The following ZFP1 variants were observed in gnomAD, a reference collection of about 807,000 sequenced individuals.
ZFP1 encodes ZFP1 zinc finger protein.
ZFP1 carries 32 observed loss-of-function variants against 38.5 expected under a neutral mutation model. The observed-to-expected ratio is 0.83, with a 90% confidence interval of 0.63 to 1.12. The LOEUF is 1.12. Ranked by LOEUF, ZFP1 falls within the 50% of genes most tolerant of loss-of-function variation. The probability of loss-of-function intolerance (pLI) is 0.00; values close to 1 mark genes in which losing one functional copy is unlikely to be tolerated. For synonymous variants in ZFP1, 245 were observed against 168.8 expected (o/e 1.45, Z -3.50); for missense variants, 616 against 480.8 (o/e 1.28, Z -2.63).
At chr16:75,123,950 T>C in the ZFP1 span, among the ~76,000 whole-genome samples, 6 of 151,158 alleles carry the variant, frequency 4.0e-5, no homozygotes, top group East Asian at 1.0e-3. Context: ...AAAAATTAGC[T>C]GGGCCTGATA....
At chr16:75,128,543 C>G in the ZFP1 span, among the ~76,000 whole-genome samples, 1 of 152,144 alleles carries the variant, frequency 6.6e-6, no homozygotes, top group Non-Finnish European at 1.5e-5. Context: ...CTAGTCTTGT[C>G]TAATATTTTT....
chr16:75,143,479 C>T, the ZFP1 span, among the ~76,000 whole-genome samples: 1 of 152,068 alleles, frequency 6.6e-6, no homozygotes, highest in African/African-American at 2.4e-5. Context: ...CTCTTGACCT[C>T]AGATGATCTG....
intron 1 of ZFP1, among the ~76,000 whole-genome samples, chr16:75,150,412 G>A (rs535374414): frequency 3.7e-4 from 56 of 151,832 alleles, no homozygotes; most frequent in African/African-American, 1.3e-3. Context: ...GTAGAGACGG[G>A]GTTTCACCGT....
chr16:75,136,155 G>A, the ZFP1 span, among the ~76,000 whole-genome samples: 1 of 152,164 alleles, frequency 6.6e-6, no homozygotes, highest in Non-Finnish European at 1.5e-5. Flanking sequence ...AGTCGGGGGA[G>A]TCCCAGGAAA....
At chr16:75,166,045 T>C (rs1041839517) in intron 2 of ZFP1, among the ~76,000 whole-genome samples, 3 of 152,210 alleles carry the variant, frequency 2.0e-5, no homozygotes, top group Admixed American at 6.5e-5. Context: ...AATGAGGGGA[T>C]GGAAGGACAG....
Position 75,169,835 on chromosome 16 carries a change from G to A in ZFP1, c.725G>A (p.Cys242Tyr). The A allele has an allele frequency of 6.2e-7, 1 of 1,614,134 alleles. No homozygotes were observed. Among genetic ancestry groups the A allele is most frequent in the Non-Finnish European group, 8.5e-7 (1 of 1,180,032 alleles). The stretch of plus-strand genomic sequence containing the variant: ...CACACTGGGGAGAAACCTTTCGAGT[G>A]TCCGGAATGTGGAAAAGCTTTCACC... ...RIHTGEKPFE[C>Y]PECGKAFTHQ... Residue 242 changes from cysteine (C) to tyrosine (Y), a missense_variant, in exon 4 of 4, where the codon TGT becomes TAT. Transcript: ENST00000570010.
intron 2 of ZFP1, among the ~76,000 whole-genome samples, chr16:75,153,761 C>A (rs987396016): frequency 6.6e-6 from 1 of 152,092 alleles, no homozygotes; most frequent in Non-Finnish European, 1.5e-5. Flanking sequence ...TGTATTTTGA[C>A]CAATATATAA....
chr16:75,138,061 G>C, the ZFP1 span, among the ~76,000 whole-genome samples: 36 of 100,720 alleles, frequency 3.6e-4, no homozygotes, highest in Admixed American at 2.5e-3. Flanking sequence ...TTTTTGAGAC[G>C]GAGTCTCACT....
intron 2 of ZFP1, among the ~76,000 whole-genome samples, chr16:75,158,888 G>A (rs1597055506): frequency 6.8e-6 from 1 of 146,352 alleles, no homozygotes; most frequent in African/African-American, 2.5e-5. Context: ...TTTATCTCTT[G>A]ATTGTTTTTG....
chr16:75,146,536 A>T (rs1210967793), upstream of ZFP1, among the ~76,000 whole-genome samples: 1 of 152,188 alleles, frequency 6.6e-6, no homozygotes, highest in African/African-American at 2.4e-5. Flanking sequence ...AGATGTTTAG[A>T]GCAGCTTTAT....
the ZFP1 span, chr16:75,119,539 C>CT: frequency 6.6e-6 from 1 of 152,082 alleles, no homozygotes; most frequent in East Asian, 1.9e-4. Context: ...TTCCCTGCTT[C>CT]TAGGATGGTA....
chr16:75,157,867 C>G (rs1343325885), intron 2 of ZFP1, among the ~76,000 whole-genome samples: 1 of 151,874 alleles, frequency 6.6e-6, no homozygotes, highest in Non-Finnish European at 1.5e-5. Context: ...TTGATCTTCA[C>G]TCACTGCAGT....
At chr16:75,165,129 C>G (rs535943347) in intron 2 of ZFP1, among the ~76,000 whole-genome samples, 7 of 151,928 alleles carry the variant, frequency 4.6e-5, no homozygotes, top group African/African-American at 1.7e-4. Flanking sequence ...TTTATTGGAA[C>G]ACAGCCATGC....
intron 3 of ZFP1, among the ~76,000 whole-genome samples, chr16:75,167,992 C>T (rs1203245843): frequency 2.6e-5 from 4 of 151,974 alleles, no homozygotes; most frequent in Non-Finnish European, 5.9e-5. Context: ...ACTCGGGAGA[C>T]GGAGGTTGCA....
intron 2 of ZFP1, among the ~76,000 whole-genome samples, chr16:75,159,347 CTCCCTTCT>C (rs1473405192): frequency 1.5e-4 from 1 of 6,606 alleles, no homozygotes; most frequent in African/African-American, 2.4e-4. Flanking sequence ...CCCTCCCTCC[CTCCCTTCT>C]TTCCTTTCCC....
chr16:75,160,674 A>G (rs997881320), intron 2 of ZFP1, among the ~76,000 whole-genome samples: 6 of 151,300 alleles, frequency 4.0e-5, no homozygotes, highest in Non-Finnish European at 5.9e-5. Flanking sequence ...AAAAAAAAAA[A>G]AGGAAGAAAT....
intron 2 of ZFP1, among the ~76,000 whole-genome samples, chr16:75,163,732 C>T (rs1316312186): frequency 6.6e-6 from 1 of 151,944 alleles, no homozygotes; most frequent in Admixed American, 6.6e-5. Flanking sequence ...CTACCTGAAC[C>T]TCCCACATAG....
chr16:75,169,898 T>C lies in ZFP1; in HGVS notation c.788T>C (p.Met263Thr), dbSNP rs2038326461. The stretch of plus-strand genomic sequence containing the variant: ...CTCATTGTACACCAGAGAGCACATA[T>C]GGAGAAGAAGCCCTATGAGTGCAGT... ...SNLIVHQRAH[M>T]EKKPYECSEC... The change falls in exon 4 of 4, where the codon ATG becomes ACG. Residue 263 changes from methionine to threonine, a missense_variant. Physicochemically the swap from Met to Thr is moderately conservative, Grantham distance 81. Coordinates refer to ENST00000570010, the MANE Select transcript of ZFP1 (RefSeq NM_153688.4). 6.2e-7 allele frequency: 1 copy of C among 1,614,170 alleles called. No homozygotes were observed. Among genetic ancestry groups the C allele is most frequent in the East Asian group, 2.2e-5 (1 of 44,866 alleles).
At chr16:75,138,228 G>C in the ZFP1 span, among the ~76,000 whole-genome samples, 1 of 151,680 alleles carries the variant, frequency 6.6e-6, no homozygotes, top group Admixed American at 6.6e-5. Flanking sequence ...GTAGAGATGG[G>C]GTTTCACCAT....
Sources: gnomAD v4.1 joint callset for allele counts (sites outside exome capture counted in the v4.1 genomes callset) on GRCh38, gnomAD v4.1.1 for gene constraint, MANE v1.5 for transcripts, NCBI Gene and HGNC (gene_info 2026-07-23, HGNC 2026-07-21) for gene names.